The following NFIX variants were observed in gnomAD, a reference collection of about 807,000 sequenced individuals.
NFIX encodes nuclear factor 1 X-type.
NFIX carries 2 observed loss-of-function variants against 53.3 expected under a neutral mutation model. The ratio of observed to expected loss-of-function variants is 0.04; its 90% CI spans 0.02 to 0.12. The LOEUF (loss-of-function observed/expected upper bound fraction) is 0.12. Ranked by LOEUF, NFIX falls within the 10% of genes least tolerant of loss-of-function variation. The pLI is 1.00. For synonymous variants in NFIX, 244 were observed against 289.0 expected, an observed-to-expected ratio of 0.84 and a Z score of 1.58; for missense variants, 310 against 674.5, an observed-to-expected ratio of 0.46 and a Z score of 5.99.
In NFIX at chr19:13,066,467, C is replaced by T. The variant is rs1411609207; in HGVS notation, c.560-6580C>T. 2.0e-5 allele frequency among the ~76,000 whole-genome samples: 3 copies of T among 152,126 alleles called. No homozygotes were observed. Among genetic ancestry groups the T allele is most frequent in the African/African-American group, 7.2e-5 (3 of 41,416 alleles). On this transcript the variant is annotated intron_variant, in intron 2 of 10. Transcript: ENST00000592199. The surrounding 1 kb of genome is among the most constrained non-coding windows in gnomAD (Gnocchi z 4.2). ...TCTTCCTCTTTCCTGTCACTTATCC[C>T]CTCTGCCATGTCCTCTTCCCCCATC...
Position 13,000,046 on chromosome 19 carries a change from GTC to G in NFIX, c.27+4188_27+4189del, listed in dbSNP as rs1204390404. Among the ~76,000 whole-genome samples, 6 of 152,354 alleles carry G rather than the reference GTC, an allele frequency of 3.9e-5. No homozygotes were observed. The South Asian group carries it at 1.2e-3, about 32-fold the overall frequency. On this transcript the variant is annotated intron_variant, in intron 1 of 10. Coordinates refer to ENST00000592199, the MANE Select transcript of NFIX (RefSeq NM_001365902.3). ...GCTCTGCCGGGAACAGGGTGCTCCAGTCTCTCTAGGGCCTGGAATGTCTTGTG... is the reference window on the plus strand; with the variant it reads ...GCTCTGCCGGGAACAGGGTGCTCCAGTCTCTAGGGCCTGGAATGTCTTGTG...
At position 13,013,509 on chromosome 19, in the gene NFIX, G is replaced by A. The variant is rs1025186862; in HGVS notation, c.28-11512G>A. 6.6e-6 allele frequency among the ~76,000 whole-genome samples: 1 copy of A among 152,020 alleles called. No homozygotes were observed. Among genetic ancestry groups the A allele is most frequent in the Non-Finnish European group, 1.5e-5 (1 of 68,012 alleles). ...GCTGCGCCCGGGGAGGTGACCCTGGGGCAGCGGCTGACCCTGCTGCGCCCT... is the reference window on the plus strand; with the variant it reads ...GCTGCGCCCGGGGAGGTGACCCTGGAGCAGCGGCTGACCCTGCTGCGCCCT... On this transcript the variant is annotated intron_variant, in intron 1 of 10. Coordinates refer to ENST00000592199, the MANE Select transcript of NFIX (RefSeq NM_001365902.3). This position sits in a 1 kb window ranked among gnomAD's most constrained non-coding sequence, Gnocchi z 5.9.
rs2015319049 is a variant in NFIX at position 13,051,402 on chromosome 19, G to A, written c.560-21645G>A. Among the ~76,000 whole-genome samples the A allele has an allele frequency of 6.6e-6, 1 of 152,108 alleles. No homozygotes were observed. Among genetic ancestry groups the A allele is most frequent in the South Asian group, 2.1e-4 (1 of 4,826 alleles). On this transcript the variant is annotated intron_variant, in intron 2 of 10. Coordinates refer to ENST00000592199, the MANE Select transcript of NFIX (RefSeq NM_001365902.3). This position sits in a 1 kb window ranked among gnomAD's most constrained non-coding sequence, Gnocchi z 5.1. ...ACTAGGGATGGAAGGGAAGAGGAGGGGAATGCTGTCTGACCTGACAGCATT... is the reference window on the plus strand; with the variant it reads ...ACTAGGGATGGAAGGGAAGAGGAGGAGAATGCTGTCTGACCTGACAGCATT...
intron 1 of NFIX, among the ~76,000 whole-genome samples, chr19:13,018,648 G>A (rs958058419): frequency 1.3e-5 from 2 of 152,224 alleles, no homozygotes; most frequent in African/African-American, 4.8e-5. Context: ...CCCCAACTGA[G>A]GGGAGGCCCC....
chr19:13,008,918 A>G (rs2012170602), intron 1 of NFIX, among the ~76,000 whole-genome samples: 1 of 152,216 alleles, frequency 6.6e-6, no homozygotes. Flanking sequence ...CCCAAGAGGA[A>G]ACCGGAGTGA....
At chr19:13,055,331 G>C (rs1217993317) in intron 2 of NFIX, among the ~76,000 whole-genome samples, 2 of 151,682 alleles carry the variant, frequency 1.3e-5, no homozygotes, top group East Asian at 3.9e-4. Flanking sequence ...CCAGCAGCCT[G>C]CCTGCCCTTC....
At chr19:13,085,070 A>C in intron 8 of NFIX, among the ~76,000 whole-genome samples, 1 of 127,148 alleles carries the variant, frequency 7.9e-6, no homozygotes, top group Non-Finnish European at 1.6e-5. Flanking sequence ...ACTCCATCTC[A>C]AAAAAAAAAA....
At chr19:13,055,665 C>T (rs1271326413) in intron 2 of NFIX, among the ~76,000 whole-genome samples, 2 of 152,154 alleles carry the variant, frequency 1.3e-5, no homozygotes, top group African/African-American at 4.8e-5. Context: ...CCCATCTGCT[C>T]GCCCCGGGCC....
In NFIX at chr19:13,073,869, C is replaced by T. The variant is rs934038538; in HGVS notation, c.698-37C>T. On this transcript the variant is annotated intron_variant, in intron 4 of 10. Coordinates refer to ENST00000592199, the MANE Select transcript of NFIX (RefSeq NM_001365902.3). The surrounding 1 kb of genome is among the most constrained non-coding windows in gnomAD (Gnocchi z 4.5). The stretch of plus-strand genomic sequence containing the variant: ...GAAACAGACCCCATCAGGCCTCCCC[C>T]CACCTCCAAACCTCATCACCCTCTC... The T allele has an allele frequency of 8.7e-6, 14 of 1,613,646 alleles. No individual in the cohort carries two copies. Among genetic ancestry groups the T allele is most frequent in the Non-Finnish European group, 1.2e-5 (14 of 1,179,794 alleles).
intron 2 of NFIX, among the ~76,000 whole-genome samples, chr19:13,026,880 G>C (rs1430275526): frequency 6.6e-6 from 1 of 152,064 alleles, no homozygotes; most frequent in East Asian, 1.9e-4. Context: ...TTGTTTCTCC[G>C]CGAGTGTGTG....
rs1318671808 is a variant in NFIX at position 13,022,588 on chromosome 19, T to C, written c.28-2433T>C. Among the ~76,000 whole-genome samples the C allele has an allele frequency of 6.8e-6, 1 of 146,100 alleles. No individual in the cohort carries two copies. Among genetic ancestry groups the C allele is most frequent in the Non-Finnish European group, 1.5e-5 (1 of 66,522 alleles). ...CTTCCACTCGCCCCTGTGTGCTCCA[T>C]AGGAAGAAAAAAAAAAAGAAAGAAA... On this transcript the variant is annotated intron_variant, in intron 1 of 10. Transcript: ENST00000592199. The surrounding 1 kb of genome is among the most constrained non-coding windows in gnomAD (Gnocchi z 4.5).
rs1408497338 is a variant in NFIX at position 13,090,815 on chromosome 19, G to A, written c.1494+425G>A. The stretch of plus-strand genomic sequence containing the variant: ...GCGTTGGGTGGGCTGGGTGACGGGT[G>A]GAGGAGGGACAGAGGGCCTGGTGGG... On this transcript the variant is annotated intron_variant, in intron 10 of 10. Coordinates refer to ENST00000592199, the MANE Select transcript of NFIX (RefSeq NM_001365902.3). This position sits in a 1 kb window ranked among gnomAD's most constrained non-coding sequence, Gnocchi z 6.6. 2.6e-5 allele frequency among the ~76,000 whole-genome samples: 4 copies of A among 152,222 alleles called. No homozygotes were observed. Among genetic ancestry groups the A allele is most frequent in the East Asian group, 1.9e-4 (1 of 5,194 alleles).
rs984026052 is a variant in NFIX, at chr19:13,045,244, G to A, written c.559+19692G>A. Among the ~76,000 whole-genome samples the A allele has an allele frequency of 3.9e-5, 6 of 152,182 alleles. No individual in the cohort carries two copies. Among genetic ancestry groups the A allele is most frequent in the African/African-American group, 1.2e-4 (5 of 41,418 alleles). ...CATGGATTTAGGTGGACAAACAGTG[G>A]TATCCTGGTCTGTGGCTAGCATGGG... On this transcript the variant is annotated intron_variant, in intron 2 of 10. Coordinates refer to ENST00000592199, the MANE Select transcript of NFIX (RefSeq NM_001365902.3). The surrounding 1 kb of genome is among the most constrained non-coding windows in gnomAD (Gnocchi z 4.4).
chr19:13,009,153 A>G lies in NFIX; in HGVS notation c.27+13289A>G, dbSNP rs994112660. Among the ~76,000 whole-genome samples, 11 of 152,140 alleles carry G rather than the reference A, an allele frequency of 7.2e-5. No individual in the cohort carries two copies. On this transcript the variant is annotated intron_variant, in intron 1 of 10. Transcript: ENST00000592199. This position sits in a 1 kb window ranked among gnomAD's most constrained non-coding sequence, Gnocchi z 4.7. ...CTGTCGTCCACGCACAGTCTCACAC[A>G]CAACCTGTCACACACGCACACACAC...
rs1183885498 is a variant in NFIX at position 13,021,838 on chromosome 19, G to A, written c.28-3183G>A. ...TGGAGGACCAGAGCAGGGGCTCCCC[G>A]GTGGGTCACTTCTCTGTGACTTGAT... is the stretch of plus-strand genomic sequence containing the variant. On this transcript the variant is annotated intron_variant, in intron 1 of 10. Coordinates refer to ENST00000592199, the MANE Select transcript of NFIX (RefSeq NM_001365902.3). The surrounding 1 kb of genome is among the most constrained non-coding windows in gnomAD (Gnocchi z 4.2). Among the ~76,000 whole-genome samples the A allele has an allele frequency of 6.6e-6, 1 of 152,028 alleles. No individual in the cohort carries two copies. The highest frequency in any genetic ancestry group is 2.4e-5 in the African/African-American group (1 of 41,400).
At position 13,078,070 on chromosome 19, in the gene NFIX, T is replaced by C. The variant is rs568148929; in HGVS notation, c.956-543T>C. On this transcript the variant is annotated intron_variant, in intron 6 of 10. Transcript: ENST00000592199. This position sits in a 1 kb window ranked among gnomAD's most constrained non-coding sequence, Gnocchi z 4.7. ...CAGGTCCTCTGGCCTCTGTCCCTGC[T>C]CTCTCGCTGGGCATTGTGTCCCTCC... Among the ~76,000 whole-genome samples the C allele has an allele frequency of 6.6e-6, 1 of 152,198 alleles. No individual in the cohort carries two copies. The highest frequency in any genetic ancestry group is 2.4e-5 in the African/African-American group (1 of 41,542).
In NFIX at chr19:12,999,640, C is replaced by T. The variant is rs188051741; in HGVS notation, c.27+3776C>T. Among the ~76,000 whole-genome samples the T allele has an allele frequency of 1.9e-3, 287 of 152,358 alleles. 1 individual carries two copies. The highest frequency in any genetic ancestry group is 3.1e-3 in the Non-Finnish European group (213 of 68,030). On this transcript the variant is annotated intron_variant, in intron 1 of 10. Coordinates refer to ENST00000592199, the MANE Select transcript of NFIX (RefSeq NM_001365902.3). ...ACACGGATACACCCGCTCTCAGACA[C>T]GCAGCGACCTACGCCCATTTTCCTG...
chr19:12,996,618 G>A lies in NFIX; in HGVS notation c.27+754G>A, dbSNP rs376803994. The stretch of plus-strand genomic sequence containing the variant: ...CCCCCCCACCCCCAAACTTTCCTCG[G>A]CGCAAACTTTCTGGCCCCAGCGACC... On this transcript the variant is annotated intron_variant, in intron 1 of 10. Transcript: ENST00000592199. This position sits in a 1 kb window ranked among gnomAD's most constrained non-coding sequence, Gnocchi z 5.2. Among the ~76,000 whole-genome samples, 23 of 152,280 alleles carry A rather than the reference G, an allele frequency of 1.5e-4. No homozygotes were observed. The East Asian group carries it at 4.3e-3, about 28-fold the overall frequency.
rs1006228956 is a variant in NFIX, at chr19:13,078,016, G to A, written c.956-597G>A. Among the ~76,000 whole-genome samples the A allele has an allele frequency of 3.3e-5, 5 of 152,130 alleles. No individual in the cohort carries two copies. Among genetic ancestry groups the A allele is most frequent in the African/African-American group, 7.2e-5 (3 of 41,440 alleles). ...CCCTCTGGCTCTGCCTGCACAGCCC[G>A]GCTAGGCCTGAGCAGCCCAAGGACT... is the stretch of plus-strand genomic sequence containing the variant. On this transcript the variant is annotated intron_variant, in intron 6 of 10. Transcript: ENST00000592199. The surrounding 1 kb of genome is among the most constrained non-coding windows in gnomAD (Gnocchi z 4.7).
Sources: gnomAD v4.1 joint callset for allele counts (sites outside exome capture counted in the v4.1 genomes callset) on GRCh38, gnomAD v4.1.1 for gene constraint, Gnocchi (gnomAD v3.1) non-coding constraint, MANE v1.5 for transcripts, NCBI Gene and HGNC (gene_info 2026-07-23, HGNC 2026-07-21) for gene names.